GPATCH2: variants seen among roughly 807,000 people sequenced by gnomAD.
GPATCH2 encodes G-patch domain containing 2, also known as G patch domain-containing protein 2.
In GPATCH2, 51 loss-of-function variants were observed where a neutral mutation model predicts 58.0. The observed-to-expected ratio is 0.88, with a 90% CI of 0.70 to 1.11. GPATCH2 has a LOEUF of 1.11. Among genes scored for constraint, GPATCH2 ranks in the 50% most tolerant of loss-of-function variants. The probability of loss-of-function intolerance (pLI) is 0.00; values close to 1 mark genes in which losing one functional copy is unlikely to be tolerated. For missense variants in GPATCH2, 625 were observed against 652.2 expected (o/e 0.96, Z 0.45); for synonymous variants, 222 against 218.5 (o/e 1.02, Z -0.14).
intron 6 of GPATCH2, among the ~76,000 whole-genome samples, chr1:217,510,566 C>T (rs907498293): frequency 1.8e-4 from 28 of 151,782 alleles, no homozygotes; most frequent in Non-Finnish European, 4.4e-5. Flanking sequence ...AATGAGCTTT[C>T]CCCCAAAATT....
At chr1:217,434,532 T>C (rs1658718786) in intron 9 of GPATCH2, among the ~76,000 whole-genome samples, 1 of 152,216 alleles carries the variant, frequency 6.6e-6, no homozygotes. Context: ...TTGCCATGAA[T>C]TAATTTACTT....
In GPATCH2 at chr1:217,620,280, A is replaced by C. The variant is rs778710760; in HGVS notation, c.276T>G (p.Ser92=). 6 of 1,614,064 alleles carry C rather than the reference A, an allele frequency of 3.7e-6. No individual in the cohort carries two copies. Among genetic ancestry groups the C allele is most frequent in the Non-Finnish European group, 4.2e-6 (5 of 1,179,918 alleles). The change falls in exon 2 of 10, where the codon TCT becomes TCG. Residue 92 remains serine, a synonymous_variant. Coordinates refer to ENST00000366935, the MANE Select transcript of GPATCH2 (RefSeq NM_018040.5). ...TGCTTGGTTCTTCTAAACTAGAATC[A>C]GAGCCTTCACTTAAGCAGTGACCAG... ...WETGHCLSEG[S]DSSLEEPSKD...
At chr1:217,607,657 C>T (rs1194543750) in intron 5 of GPATCH2, among the ~76,000 whole-genome samples, 2 of 152,174 alleles carry the variant, frequency 1.3e-5, no homozygotes, top group African/African-American at 4.8e-5. Context: ...TTCCAGGAAC[C>T]TAACCCTGTC....
chr1:217,476,266 GTA>G (rs368336860), intron 8 of GPATCH2, among the ~76,000 whole-genome samples: 1 of 145,600 alleles, frequency 6.9e-6, no homozygotes, highest in Non-Finnish European at 1.5e-5. Flanking sequence ...GTGTGTGTGT[GTA>G]TTGTTGTGGG....
chr1:217,511,986 C>A, intron 6 of GPATCH2, among the ~76,000 whole-genome samples: 1 of 151,996 alleles, frequency 6.6e-6, no homozygotes, highest in Admixed American at 6.6e-5. Flanking sequence ...AAGGGGTGCG[C>A]CTGAAGAAAG....
intron 5 of GPATCH2, among the ~76,000 whole-genome samples, chr1:217,528,872 G>T (rs751819770): frequency 6.6e-6 from 1 of 152,160 alleles, no homozygotes; most frequent in Non-Finnish European, 1.5e-5. Context: ...AGAAAGCAAA[G>T]GGACTTGAAG....
At chr1:217,516,189 C>T (rs768510907) in intron 5 of GPATCH2, among the ~76,000 whole-genome samples, 2 of 149,658 alleles carry the variant, frequency 1.3e-5, no homozygotes, top group African/African-American at 2.5e-5. Context: ...ACAAGGCATA[C>T]ATTTACAGCA....
At chr1:217,607,121 G>A (rs1473641384) in intron 5 of GPATCH2, among the ~76,000 whole-genome samples, 2 of 152,118 alleles carry the variant, frequency 1.3e-5, no homozygotes, top group Non-Finnish European at 2.9e-5. Flanking sequence ...CGTTCCCATT[G>A]TGGATTCCAT....
intron 8 of GPATCH2, among the ~76,000 whole-genome samples, chr1:217,465,112 T>G (rs951513434): frequency 4.7e-4 from 71 of 151,536 alleles, no homozygotes; most frequent in African/African-American, 1.6e-3. Flanking sequence ...AAAAAATCAT[T>G]TCAGAAATTA....
chr1:217,584,801 T>C (rs532091580), intron 5 of GPATCH2, among the ~76,000 whole-genome samples: 175 of 152,082 alleles, frequency 1.2e-3, no homozygotes, highest in Non-Finnish European at 2.0e-3. Context: ...GGAGTTGATA[T>C]AAATACATGT....
At chr1:217,471,166 G>T (rs546325817) in intron 8 of GPATCH2, among the ~76,000 whole-genome samples, 5 of 152,018 alleles carry the variant, frequency 3.3e-5, no homozygotes, top group East Asian at 1.9e-4. Flanking sequence ...TGACAAAAGA[G>T]AATTTGTTTT....
At chr1:217,448,174 C>G (rs187342104) in intron 9 of GPATCH2, among the ~76,000 whole-genome samples, 1 of 151,640 alleles carries the variant, frequency 6.6e-6, no homozygotes, top group South Asian at 2.1e-4. Context: ...TGCTACCCCA[C>G]CCCCATAAAA....
intron 6 of GPATCH2, among the ~76,000 whole-genome samples, chr1:217,512,040 C>A (rs952864627): frequency 9.9e-5 from 15 of 152,088 alleles, no homozygotes; most frequent in Admixed American, 7.2e-4. Flanking sequence ...AAAACATTAT[C>A]AAGGCCAAGC....
intron 5 of GPATCH2, among the ~76,000 whole-genome samples, chr1:217,567,772 C>A (rs1330857170): frequency 1.3e-5 from 2 of 152,152 alleles, no homozygotes; most frequent in African/African-American, 4.8e-5. Context: ...CCTGTGCATG[C>A]CTTGTGCGTG....
chr1:217,503,833 C>G (rs917524946), intron 6 of GPATCH2, among the ~76,000 whole-genome samples: 1 of 152,132 alleles, frequency 6.6e-6, no homozygotes, highest in Non-Finnish European at 1.5e-5. Flanking sequence ...ATGTACTATT[C>G]CATCCAACTG....
chr1:217,619,035 G>GT (rs796301453), intron 2 of GPATCH2, among the ~76,000 whole-genome samples: 5 of 151,672 alleles, frequency 3.3e-5, no homozygotes, highest in Non-Finnish European at 5.9e-5. Flanking sequence ...TTTACAGACT[G>GT]TTTTTTTCTG....
intron 8 of GPATCH2, among the ~76,000 whole-genome samples, chr1:217,490,273 C>A (rs34607823): frequency 3.9e-5 from 6 of 152,060 alleles, no homozygotes; most frequent in Non-Finnish European, 8.8e-5. Flanking sequence ...GATAATTTGC[C>A]TTTTCTCTTG....
At chr1:217,584,344 A>AATATATATATATATATATATATAT (rs71556690) in intron 5 of GPATCH2, among the ~76,000 whole-genome samples, 1 of 101,874 alleles carries the variant, frequency 9.8e-6, no homozygotes, top group Non-Finnish European at 1.9e-5. Flanking sequence ...AAAAAAAAAA[A>AATATATATATATATATATATATAT]ATATATATAT....
chr1:217,574,794 C>T (rs1049252329), intron 5 of GPATCH2, among the ~76,000 whole-genome samples: 1 of 152,060 alleles, frequency 6.6e-6, no homozygotes, highest in Non-Finnish European at 1.5e-5. Context: ...CAGGTCCAAC[C>T]GGATTTGAGT....
Sources: gnomAD v4.1 joint callset for allele counts (sites outside exome capture counted in the v4.1 genomes callset) on GRCh38, gnomAD v4.1.1 for gene constraint, MANE v1.5 for transcripts, NCBI Gene and HGNC (gene_info 2026-07-23, HGNC 2026-07-21) for gene names.